Variants in NKAIN3 observed in about 807,000 individuals in gnomAD.
The protein encoded by NKAIN3 is sodium/potassium transporting ATPase interacting 3.
In NKAIN3, 25 loss-of-function variants were observed where a neutral mutation model predicts 30.2. That is an observed-to-expected ratio of 0.83 (90% CI 0.60 to 1.16). The LOEUF (loss-of-function observed/expected upper bound fraction) is 1.16. Among genes scored for constraint, NKAIN3 ranks in the 50% most tolerant of loss-of-function variants. The pLI, the probability that NKAIN3 is intolerant of heterozygous loss-of-function variation, is 0.00. For missense variants in NKAIN3, 225 were observed against 254.1 expected (o/e 0.89, Z 0.78); for synonymous variants, 91 against 89.6 (o/e 1.02, Z -0.09).
intron 4 of NKAIN3, among the ~76,000 whole-genome samples, chr8:62,828,629 ACT>A (rs1819100991): frequency 1.1e-5 from 1 of 92,724 alleles, no homozygotes; most frequent in Non-Finnish European, 2.9e-5. Flanking sequence ...GTCAACACCC[ACT>A]CTTTGAATCT....
chr8:62,882,569 C>T (rs897226859), intron 4 of NKAIN3, among the ~76,000 whole-genome samples: 1 of 152,090 alleles, frequency 6.6e-6, no homozygotes, highest in Non-Finnish European at 1.5e-5. Flanking sequence ...CTGCCCACCT[C>T]GGTCTCCCAG....
chr8:62,883,136 T>C (rs1360096567), intron 4 of NKAIN3, among the ~76,000 whole-genome samples: 1 of 152,162 alleles, frequency 6.6e-6, no homozygotes, highest in Non-Finnish European at 1.5e-5. Context: ...GTTGAATCTA[T>C]AGATTAAGTT....
At chr8:62,878,732 A>G (rs976765106) in intron 4 of NKAIN3, among the ~76,000 whole-genome samples, 5 of 136,940 alleles carry the variant, frequency 3.7e-5, no homozygotes, top group South Asian at 2.3e-4. Flanking sequence ...TCATTGTTCA[A>G]TTCCCACCTA....
chr8:62,477,462 G>T (rs559663009), intron 1 of NKAIN3, among the ~76,000 whole-genome samples: 1 of 152,066 alleles, frequency 6.6e-6, no homozygotes, highest in Non-Finnish European at 1.5e-5. Flanking sequence ...CTTTGACTTC[G>T]TGGCTCTCCG....
intron 1 of NKAIN3, among the ~76,000 whole-genome samples, chr8:62,510,990 C>A (rs982160412): frequency 6.6e-6 from 1 of 152,092 alleles, no homozygotes; most frequent in East Asian, 1.9e-4. Flanking sequence ...TCCAGGTCCT[C>A]TCTTCTCAGT....
At chr8:62,437,750 A>G (rs929351113) in intron 1 of NKAIN3, among the ~76,000 whole-genome samples, 1 of 152,220 alleles carries the variant, frequency 6.6e-6, no homozygotes, top group Non-Finnish European at 1.5e-5. Flanking sequence ...AAATAGAGGA[A>G]TTGGGTAAAT....
chr8:62,480,200 T>C (rs1321852476), intron 1 of NKAIN3, among the ~76,000 whole-genome samples: 1 of 152,152 alleles, frequency 6.6e-6, no homozygotes, highest in Non-Finnish European at 1.5e-5. Context: ...CTACTTTCCA[T>C]TACTATGAAT....
intron 4 of NKAIN3, among the ~76,000 whole-genome samples, chr8:62,866,988 G>T (rs1243946650): frequency 6.6e-6 from 1 of 150,840 alleles, no homozygotes; most frequent in African/African-American, 2.4e-5. Context: ...GCTGGAGGCA[G>T]AGCTTGCAGT....
At chr8:62,730,433 T>C (rs1815429057) in intron 3 of NKAIN3, among the ~76,000 whole-genome samples, 1 of 152,094 alleles carries the variant, frequency 6.6e-6, no homozygotes, top group Non-Finnish European at 1.5e-5. Flanking sequence ...AACTGGGTGC[T>C]CAGCTCATTA....
At chr8:62,949,519 T>C (rs892470688) in intron 5 of NKAIN3, among the ~76,000 whole-genome samples, 1 of 152,222 alleles carries the variant, frequency 6.6e-6, no homozygotes, top group Non-Finnish European at 1.5e-5. Flanking sequence ...GTAATATTAT[T>C]TCTTCCAAGA....
chr8:62,436,186 G>A (rs1178651327), intron 1 of NKAIN3, among the ~76,000 whole-genome samples: 1 of 152,104 alleles, frequency 6.6e-6, no homozygotes. Flanking sequence ...GGTGGAAGAG[G>A]CAGTATTTCT....
chr8:62,586,294 C>T (rs915797551), intron 2 of NKAIN3, among the ~76,000 whole-genome samples: 1 of 152,156 alleles, frequency 6.6e-6, no homozygotes, highest in African/African-American at 2.4e-5. Context: ...ACCTAAATTC[C>T]TCTTCACCAG....
At chr8:62,490,247 A>C (rs1262851202) in intron 1 of NKAIN3, among the ~76,000 whole-genome samples, 1 of 130,836 alleles carries the variant, frequency 7.6e-6, no homozygotes. Flanking sequence ...AGGGCTGTAC[A>C]GTTTGGCTGA....
intron 3 of NKAIN3, among the ~76,000 whole-genome samples, chr8:62,706,759 T>A (rs968451527): frequency 2.0e-5 from 3 of 152,066 alleles, no homozygotes; most frequent in African/African-American, 7.2e-5. Context: ...TAGTGGTGAT[T>A]TGTGAGATTT....
At chr8:62,448,348 A>G (rs1805545963) in intron 1 of NKAIN3, among the ~76,000 whole-genome samples, 1 of 151,602 alleles carries the variant, frequency 6.6e-6, no homozygotes, top group South Asian at 2.1e-4. Flanking sequence ...GAAAACTTTT[A>G]GTTTTCAGTA....
chr8:62,890,136 A>G (rs1435352770), intron 4 of NKAIN3, among the ~76,000 whole-genome samples: 1 of 152,224 alleles, frequency 6.6e-6, no homozygotes, highest in Non-Finnish European at 1.5e-5. Context: ...TTCTTCAATC[A>G]GTTGATCTGA....
At position 62,980,228 on chromosome 8, in the gene NKAIN3, A is replaced by G. The variant is rs1443096419; in HGVS notation, c.*14821A>G. 1 of 152,170 alleles carries G rather than the reference A, an allele frequency of 6.6e-6. No homozygotes were observed. The highest frequency in any genetic ancestry group is 1.9e-4 in the East Asian group (1 of 5,198). The allele number at this position is 152,170 out of a possible 1,614,324, so 9.4% of individuals were successfully genotyped here. A position where few individuals can be genotyped will look rare whatever the true frequency, so the allele number is the denominator to read the frequency against. On this transcript the variant is annotated 3_prime_UTR_variant, in exon 7 of 7. Transcript: ENST00000623646. Reference sequence around the variant, plus strand: ...GTCTCTTCTAAAAATTTTGTTCCTAAGGAATTGATTTTGCAAATCAGTGCT... The same window carrying G: ...GTCTCTTCTAAAAATTTTGTTCCTAGGGAATTGATTTTGCAAATCAGTGCT...
At chr8:62,765,757 T>C (rs1816816997) in intron 4 of NKAIN3, among the ~76,000 whole-genome samples, 1 of 152,156 alleles carries the variant, frequency 6.6e-6, no homozygotes, top group African/African-American at 2.4e-5. Flanking sequence ...ATTGTCAATA[T>C]ATAACTATAA....
chr8:62,526,101 C>A (rs914029648), intron 1 of NKAIN3, among the ~76,000 whole-genome samples: 1 of 151,904 alleles, frequency 6.6e-6, no homozygotes, highest in Non-Finnish European at 1.5e-5. Context: ...GAGGAGACAA[C>A]CTGCACAATC....
Sources: allele counts gnomAD v4.1 joint callset (sites outside exome capture counted in the v4.1 genomes callset), GRCh38; gene constraint gnomAD v4.1.1; transcripts MANE v1.5; gene names NCBI Gene and HGNC (gene_info 2026-07-23, HGNC 2026-07-21).